Variants in SH3PXD2A observed in about 807,000 individuals in gnomAD.
SH3PXD2A encodes SH3 and PX domain-containing protein 2A.
SH3PXD2A carries 32 observed loss-of-function variants against 115.2 expected under a neutral mutation model. The observed-to-expected ratio is 0.28, with a 90% CI of 0.21 to 0.37. SH3PXD2A has a LOEUF of 0.37. Ranked by LOEUF, SH3PXD2A falls within the 10% of genes least tolerant of loss-of-function variation. The pLI is 1.00. For missense variants in SH3PXD2A, 1,328 were observed against 1,498.7 expected, an observed-to-expected ratio of 0.89 and a Z score of 1.88; for synonymous variants, 610 against 629.1, an observed-to-expected ratio of 0.97 and a Z score of 0.45.
At chr10:103,727,813 C>T (rs1211808957) in intron 4 of SH3PXD2A, among the ~76,000 whole-genome samples, 3 of 152,236 alleles carry the variant, frequency 2.0e-5, no homozygotes, top group Admixed American at 6.5e-5. Context: ...GTGGAGGGCT[C>T]GTCCTGATTT....
At chr10:103,735,598 G>A in intron 4 of SH3PXD2A, 134 bp downstream of exon 4, 1 of 717,964 alleles carries the variant, frequency 1.4e-6, no homozygotes, top group Non-Finnish European at 2.4e-6. Flanking sequence ...CCACCCCTCT[G>A]GCCAGGAAAC....
chr10:103,619,314 G>C (rs796342508), intron 10 of SH3PXD2A, among the ~76,000 whole-genome samples: 1 of 152,152 alleles, frequency 6.6e-6, no homozygotes, highest in Non-Finnish European at 1.5e-5. Context: ...GTGAGGCATG[G>C]CAAATCCCAG....
chr10:103,616,036 G>A (rs1431927771), intron 11 of SH3PXD2A, among the ~76,000 whole-genome samples: 1 of 150,762 alleles, frequency 6.6e-6, no homozygotes, highest in Non-Finnish European at 1.5e-5. Flanking sequence ...GGGCGGGGTG[G>A]GGGCGGGGTA....
At chr10:103,742,455 T>A (rs1012024949) in intron 3 of SH3PXD2A, among the ~76,000 whole-genome samples, 8 of 152,338 alleles carry the variant, frequency 5.3e-5, no homozygotes, top group African/African-American at 1.9e-4. Flanking sequence ...AATTTTAAGA[T>A]CTTTGATTAC....
intron 11 of SH3PXD2A, among the ~76,000 whole-genome samples, chr10:103,616,018 CCGGGGTGGGG>C (rs1219577201): frequency 3.3e-5 from 1 of 30,534 alleles, no homozygotes; most frequent in Non-Finnish European, 6.3e-5. Context: ...CACCAGGGCT[CCGGGGTGGGG>C]CGGGGTGGGG....
At chr10:103,778,068 G>A (rs1335853023) in intron 2 of SH3PXD2A, among the ~76,000 whole-genome samples, 2 of 152,138 alleles carry the variant, frequency 1.3e-5, no homozygotes, top group South Asian at 2.1e-4. Context: ...AGTGACTCAC[G>A]CCTGTAATCC....
chr10:103,677,669 G>A (rs541704842), intron 6 of SH3PXD2A, among the ~76,000 whole-genome samples: 29 of 152,272 alleles, frequency 1.9e-4, no homozygotes, highest in East Asian at 5.8e-4. Flanking sequence ...CCTAGCAAGC[G>A]CATAGCGCAT....
chr10:103,774,711 G>A (rs756634734), intron 2 of SH3PXD2A, among the ~76,000 whole-genome samples: 5 of 152,134 alleles, frequency 3.3e-5, no homozygotes, highest in African/African-American at 4.8e-5. Context: ...TCAAACTTAC[G>A]TAGGCAGAGT....
At chr10:103,812,340 C>G (rs1445261637) in intron 1 of SH3PXD2A, among the ~76,000 whole-genome samples, 3 of 152,194 alleles carry the variant, frequency 2.0e-5, no homozygotes, top group Non-Finnish European at 4.4e-5. Flanking sequence ...TAAGGCTAAC[C>G]TTGCAATGGA....
At chr10:103,629,479 AC>A (rs1225681026) in intron 8 of SH3PXD2A, among the ~76,000 whole-genome samples, 2 of 152,188 alleles carry the variant, frequency 1.3e-5, no homozygotes, top group African/African-American at 4.8e-5. Context: ...AAGGGTCCAG[AC>A]CATGCTTGGG....
intron 5 of SH3PXD2A, among the ~76,000 whole-genome samples, chr10:103,700,158 A>G (rs544224378): frequency 1.3e-5 from 2 of 152,334 alleles, no homozygotes; most frequent in African/African-American, 4.8e-5. Context: ...AAGTTTTACC[A>G]TGTCCAGGCC....
chr10:103,632,548 G>A (rs1344204289), intron 8 of SH3PXD2A, among the ~76,000 whole-genome samples: 2 of 152,196 alleles, frequency 1.3e-5, no homozygotes, highest in African/African-American at 4.8e-5. Flanking sequence ...GCATAGAGTC[G>A]GGGTGGGCGC....
intron 2 of SH3PXD2A, among the ~76,000 whole-genome samples, chr10:103,782,989 C>T (rs939074686): frequency 1.3e-5 from 2 of 151,542 alleles, no homozygotes; most frequent in Non-Finnish European, 2.9e-5. Context: ...AGGCTGAGTG[C>T]CCAGGAGTCA....
chr10:103,703,796 C>T (rs1213541207), intron 5 of SH3PXD2A, among the ~76,000 whole-genome samples: 1 of 149,792 alleles, frequency 6.7e-6, no homozygotes, highest in Non-Finnish European at 1.5e-5. Flanking sequence ...CTTTATTGGA[C>T]AGTACAGTCC....
At chr10:103,771,232 C>A (rs911546) in intron 2 of SH3PXD2A, among the ~76,000 whole-genome samples, 24,028 of 152,158 alleles carry the variant, frequency 0.16, 2,193 homozygotes, top group East Asian at 0.3. Flanking sequence ...GTTAGGCTAC[C>A]AAAACTTGAC....
At chr10:103,708,132 T>C (rs1366862677) in intron 5 of SH3PXD2A, among the ~76,000 whole-genome samples, 1 of 152,194 alleles carries the variant, frequency 6.6e-6, no homozygotes, top group African/African-American at 2.4e-5. Context: ...ATCTGGCTCT[T>C]CTGGAACAAG....
chr10:103,701,379 T>A (rs1007356800), intron 5 of SH3PXD2A, among the ~76,000 whole-genome samples: 18 of 124,666 alleles, frequency 1.4e-4, no homozygotes, highest in African/African-American at 5.4e-4. Context: ...CATTCATCCA[T>A]CCATCATCCA....
chr10:103,702,465 G>A (rs2037926370), intron 5 of SH3PXD2A, among the ~76,000 whole-genome samples: 1 of 152,176 alleles, frequency 6.6e-6, no homozygotes, highest in South Asian at 2.1e-4. Flanking sequence ...TGTGGAAGAT[G>A]GGGCACTAGA....
chr10:103,684,024 G>A (rs1007230576), intron 6 of SH3PXD2A, among the ~76,000 whole-genome samples: 3 of 152,240 alleles, frequency 2.0e-5, no homozygotes, highest in African/African-American at 4.8e-5. Context: ...CCACTGCCTC[G>A]TCTCCCTCCA....
Sources: gnomAD v4.1 joint callset for allele counts (sites outside exome capture counted in the v4.1 genomes callset) on GRCh38, gnomAD v4.1.1 for gene constraint, MANE v1.5 for transcripts, NCBI Gene and HGNC (gene_info 2026-07-23, HGNC 2026-07-21) for gene names.